The following EYS variants were observed in gnomAD, a reference collection of about 807,000 sequenced individuals.
EYS encodes the protein EGF-like photoreceptor maintenance factor.
In EYS, 250 loss-of-function variants were observed where a neutral mutation model predicts 282.1. The observed-to-expected ratio is 0.89, with a 90% CI of 0.80 to 0.98. The LOEUF (loss-of-function observed/expected upper bound fraction) is 0.98. Among genes scored for constraint, EYS ranks in the 50% least tolerant of loss-of-function variants. The pLI is 0.00. For missense variants in EYS, 4,016 were observed against 3,709.0 expected (o/e 1.08, Z -2.15); for synonymous variants, 1,355 against 1,282.9 (o/e 1.06, Z -1.20).
At chr6:63,852,408 C>G (rs189529053) in intron 36 of EYS, among the ~76,000 whole-genome samples, 398 of 152,144 alleles carry the variant, frequency 2.6e-3, no homozygotes, top group Admixed American at 6.9e-3. Context: ...TGGACACACA[C>G]AGACACTCCC....
intron 22 of EYS, among the ~76,000 whole-genome samples, chr6:64,709,704 C>T (rs1439022445): frequency 6.6e-6 from 1 of 152,158 alleles, no homozygotes; most frequent in Non-Finnish European, 1.5e-5. Flanking sequence ...CTAGATGCCA[C>T]ATATGAAAAT....
At chr6:65,057,542 T>C in intron 13 of EYS, 72 bp downstream of exon 13, 2 of 923,388 alleles carry the variant, frequency 2.2e-6, no homozygotes, top group South Asian at 2.8e-5. Flanking sequence ...CTGAAATGAG[T>C]TCAGACAAGA....
chr6:64,474,978 G>C (rs2150494859), intron 26 of EYS, among the ~76,000 whole-genome samples: 1 of 152,286 alleles, frequency 6.6e-6, no homozygotes, highest in African/African-American at 2.4e-5. Context: ...TGATTCTCCT[G>C]GGTCTCTTGG....
intron 42 of EYS, among the ~76,000 whole-genome samples, chr6:63,722,698 A>G (rs1768451307): frequency 6.6e-6 from 1 of 152,170 alleles, no homozygotes; most frequent in Admixed American, 6.6e-5. Flanking sequence ...TTTCTCATCC[A>G]GGGATATTCG....
intron 35 of EYS, among the ~76,000 whole-genome samples, chr6:63,954,641 C>T (rs1395286032): frequency 6.6e-6 from 1 of 152,090 alleles, no homozygotes; most frequent in Non-Finnish European, 1.5e-5. Context: ...GATAAGGTAG[C>T]TAAAAAAGCA....
At chr6:65,075,749 A>T (rs1343954745) in intron 12 of EYS, among the ~76,000 whole-genome samples, 1 of 152,010 alleles carries the variant, frequency 6.6e-6, no homozygotes, top group African/African-American at 2.4e-5. Context: ...AATATTTCTA[A>T]GGAGAATTAT....
At chr6:64,788,414 G>A (rs991768536) in intron 22 of EYS, among the ~76,000 whole-genome samples, 3 of 152,038 alleles carry the variant, frequency 2.0e-5, no homozygotes, top group African/African-American at 4.8e-5. Flanking sequence ...GTTTCCACAC[G>A]GCACTCCCAT....
intron 35 of EYS, among the ~76,000 whole-genome samples, chr6:63,877,016 G>A (rs536806004): frequency 6.6e-6 from 1 of 152,154 alleles, no homozygotes; most frequent in African/African-American, 2.4e-5. Flanking sequence ...TCATTATGAT[G>A]TTAGCTGGTT....
intron 35 of EYS, among the ~76,000 whole-genome samples, chr6:63,975,511 C>G (rs1417711049): frequency 6.6e-6 from 1 of 151,988 alleles, no homozygotes; most frequent in East Asian, 1.9e-4. Context: ...GTTTAAGTAA[C>G]AGTGACCTAA....
At chr6:64,552,486 G>A (rs532492984) in intron 26 of EYS, among the ~76,000 whole-genome samples, 135 of 152,184 alleles carry the variant, frequency 8.9e-4, no homozygotes, top group Admixed American at 1.7e-3. Flanking sequence ...TCTTCTCTCC[G>A]AAGCCTGCTA....
chr6:64,520,878 C>T (rs547033088), intron 26 of EYS, among the ~76,000 whole-genome samples: 4 of 151,652 alleles, frequency 2.6e-5, no homozygotes, highest in South Asian at 2.1e-4. Flanking sequence ...AGAGAAGCCA[C>T]GAGGTAAGAA....
rs1582139184 is a variant in EYS, at chr6:63,720,702, C to T, written c.9329G>A (p.Gly3110Asp). Residue 3110 changes from glycine (G) to aspartate (D), a missense_variant, in exon 43 of 43, where the codon GGC becomes GAC. Physicochemically the swap from Gly to Asp is moderately conservative, Grantham distance 94. Coordinates refer to ENST00000503581, the MANE Select transcript of EYS (RefSeq NM_001142800.2). Reference sequence around the variant, plus strand: ...AAAAAATACAACATCTTTAATTTTGCCAACAAAATTGGTTTTAAAAATCTC... The same window carrying T: ...AAAAAATACAACATCTTTAATTTTGTCAACAAAATTGGTTTTAAAAATCTC... ...TQEIFKTNFVGKIKDVVFFQE... is the reference protein window; with the variant it reads ...TQEIFKTNFVDKIKDVVFFQE... The T allele has an allele frequency of 1.9e-6, 3 of 1,547,936 alleles. No individual in the cohort carries two copies. Among genetic ancestry groups the T allele is most frequent in the Non-Finnish European group, 2.6e-6 (3 of 1,145,420 alleles).
intron 31 of EYS, among the ~76,000 whole-genome samples, chr6:64,092,131 T>A (rs113936836): frequency 0.042 from 6,357 of 152,258 alleles, 384 homozygotes; most frequent in African/African-American, 0.14. Context: ...TGTGCCACAT[T>A]TTCTTAATCC....
At chr6:65,467,928 C>A (rs1765067212) in intron 5 of EYS, among the ~76,000 whole-genome samples, 1 of 151,974 alleles carries the variant, frequency 6.6e-6, no homozygotes, top group South Asian at 2.1e-4. Flanking sequence ...TGTCTCCAAA[C>A]TAGAAGGGAT....
rs149276075 is a variant in EYS, at chr6:64,678,702, G to A, written c.3444-52457C>T. Among the ~76,000 whole-genome samples, 5 of 151,862 alleles carry A rather than the reference G, an allele frequency of 3.3e-5. No individual in the cohort carries two copies. The East Asian group carries it at 9.8e-4, about 30-fold the overall frequency. On this transcript the variant is annotated intron_variant, in intron 22 of 42. Coordinates refer to ENST00000503581, the MANE Select transcript of EYS (RefSeq NM_001142800.2). Reference sequence around the variant, plus strand: ...TTTCACAATTCAAACATATCATTTTGAGGCCTGCACAGTGGCTCTCGCCTG... The same window carrying A: ...TTTCACAATTCAAACATATCATTTTAAGGCCTGCACAGTGGCTCTCGCCTG...
chr6:65,144,696 A>T (rs1223532406), intron 12 of EYS, among the ~76,000 whole-genome samples: 1 of 152,034 alleles, frequency 6.6e-6, no homozygotes, highest in Non-Finnish European at 1.5e-5. Flanking sequence ...AAATTTTTTT[A>T]AAAAGGGATT....
chr6:64,216,512 G>A (rs114379462), intron 31 of EYS, among the ~76,000 whole-genome samples: 3,578 of 152,246 alleles, frequency 0.024, 52 homozygotes, highest in Non-Finnish European at 0.036. Context: ...GGATATATTG[G>A]TGTGGTGGAT....
chr6:64,261,168 C>T (rs947921169), intron 30 of EYS, among the ~76,000 whole-genome samples: 4 of 151,842 alleles, frequency 2.6e-5, no homozygotes, highest in Non-Finnish European at 4.4e-5. Context: ...CTATTTTTCC[C>T]GGCCCGCCCC....
intron 35 of EYS, among the ~76,000 whole-genome samples, chr6:63,978,308 C>T (rs1023698776): frequency 6.6e-6 from 1 of 151,920 alleles, no homozygotes; most frequent in Admixed American, 6.6e-5. Context: ...AAGGGCTGCC[C>T]ACAGTGGGAG....
Sources: gnomAD v4.1 joint callset for allele counts (sites outside exome capture counted in the v4.1 genomes callset) on GRCh38, gnomAD v4.1.1 for gene constraint, MANE v1.5 for transcripts, NCBI Gene and HGNC (gene_info 2026-07-23, HGNC 2026-07-21) for gene names.